The following NR3C2 variants were observed in gnomAD, a reference collection of about 807,000 sequenced individuals.
The protein encoded by NR3C2 is mineralocorticoid receptor.
In NR3C2, 15 loss-of-function variants were observed where a neutral mutation model predicts 86.4. The ratio of observed to expected loss-of-function variants is 0.17; its 90% CI spans 0.12 to 0.27. The LOEUF is 0.27. Among genes scored for constraint, NR3C2 ranks in the 10% least tolerant of loss-of-function variants. NR3C2 has a pLI of 1.00. For missense variants in NR3C2, 960 were observed against 1,195.6 expected, an observed-to-expected ratio of 0.80 and a Z score of 2.91; for synonymous variants, 458 against 450.5, an observed-to-expected ratio of 1.02 and a Z score of -0.21.
At chr4:148,378,362 C>T (rs1196137306) in intron 2 of NR3C2, among the ~76,000 whole-genome samples, 2 of 151,490 alleles carry the variant, frequency 1.3e-5, no homozygotes, top group Non-Finnish European at 2.9e-5. Flanking sequence ...AAGATATACA[C>T]CCCACACCCA....
At chr4:148,360,555 C>T (rs984322157) in intron 2 of NR3C2, among the ~76,000 whole-genome samples, 2 of 152,098 alleles carry the variant, frequency 1.3e-5, no homozygotes, top group South Asian at 2.1e-4. Flanking sequence ...AGTAACAAAC[C>T]CATTTTTCCC....
At chr4:148,421,482 CTGAAA>C (rs1232399482) in intron 2 of NR3C2, among the ~76,000 whole-genome samples, 1 of 152,162 alleles carries the variant, frequency 6.6e-6, no homozygotes, top group African/African-American at 2.4e-5. Flanking sequence ...AGACGAGTAA[CTGAAA>C]TATCAAAAGT....
At chr4:148,091,460 G>A (rs573757066) in intron 8 of NR3C2, among the ~76,000 whole-genome samples, 3 of 152,378 alleles carry the variant, frequency 2.0e-5, no homozygotes, top group Non-Finnish European at 2.9e-5. Flanking sequence ...ATCCAGGCGC[G>A]TGAAGTTAGC....
chr4:148,113,786 G>T (rs1363043466), intron 8 of NR3C2, among the ~76,000 whole-genome samples: 1 of 152,182 alleles, frequency 6.6e-6, no homozygotes, highest in Admixed American at 6.5e-5. Context: ...TCGTCCAGGG[G>T]ATCGAGGCCC....
intron 4 of NR3C2, among the ~76,000 whole-genome samples, chr4:148,172,577 T>A (rs997668367): frequency 6.6e-6 from 1 of 152,222 alleles, no homozygotes; most frequent in South Asian, 2.1e-4. Context: ...TAATGAAATC[T>A]TTTGTGTCTT....
chr4:148,195,897 A>T (rs1047063634), intron 3 of NR3C2, among the ~76,000 whole-genome samples: 4 of 152,234 alleles, frequency 2.6e-5, no homozygotes, highest in African/African-American at 9.6e-5. Flanking sequence ...TAGAGGTGAT[A>T]TTCAAGACTT....
At chr4:148,323,934 C>T (rs994960539) in intron 2 of NR3C2, among the ~76,000 whole-genome samples, 1 of 152,152 alleles carries the variant, frequency 6.6e-6, no homozygotes. Flanking sequence ...GTCTTCAATC[C>T]CAAGCTTTTC....
chr4:148,434,147 T>C (rs1410331522), intron 2 of NR3C2, among the ~76,000 whole-genome samples: 1 of 152,162 alleles, frequency 6.6e-6, no homozygotes, highest in African/African-American at 2.4e-5. Flanking sequence ...ATCCACATAG[T>C]TCTGGATGCC....
intron 2 of NR3C2, among the ~76,000 whole-genome samples, chr4:148,379,489 G>A (rs1355361894): frequency 2.0e-5 from 3 of 152,190 alleles, no homozygotes; most frequent in African/African-American, 7.2e-5. Context: ...TATCTGAAGA[G>A]AGAATCAAGG....
intron 3 of NR3C2, among the ~76,000 whole-genome samples, chr4:148,202,274 C>A (rs1434472953): frequency 6.6e-6 from 1 of 152,202 alleles, no homozygotes; most frequent in Admixed American, 6.5e-5. Flanking sequence ...CACCCTTGAT[C>A]TTTTTTCCAG....
chr4:148,295,102 A>C (rs1741983664), intron 2 of NR3C2, among the ~76,000 whole-genome samples: 1 of 152,196 alleles, frequency 6.6e-6, no homozygotes, highest in Admixed American at 6.5e-5. Context: ...ATTTAGATAT[A>C]TCTACCAAAA....
intron 6 of NR3C2, among the ~76,000 whole-genome samples, chr4:148,147,445 G>T (rs1236927196): frequency 6.6e-6 from 1 of 152,188 alleles, no homozygotes; most frequent in Non-Finnish European, 1.5e-5. Flanking sequence ...TTAATAGATT[G>T]TTTGGTTCAT....
At chr4:148,360,964 A>G (rs1446406873) in intron 2 of NR3C2, among the ~76,000 whole-genome samples, 1 of 152,188 alleles carries the variant, frequency 6.6e-6, no homozygotes. Flanking sequence ...CTGCCTCCTC[A>G]GGATGCCACC....
At chr4:148,165,645 G>A (rs905349323) in intron 4 of NR3C2, among the ~76,000 whole-genome samples, 1 of 152,040 alleles carries the variant, frequency 6.6e-6, no homozygotes, top group Non-Finnish European at 1.5e-5. Flanking sequence ...TTTTACTCAA[G>A]AATACTAATG....
intron 8 of NR3C2, 132 bp from the exon 9 acceptor site, chr4:148,081,631 T>C: frequency 8.3e-7 from 1 of 1,203,488 alleles, no homozygotes; most frequent in South Asian, 1.4e-5. Flanking sequence ...TCTTCATTAA[T>C]TGAGCAGAGT....
chr4:148,176,458 G>A (rs1306977927), intron 4 of NR3C2, among the ~76,000 whole-genome samples: 2 of 152,152 alleles, frequency 1.3e-5, no homozygotes, highest in African/African-American at 4.8e-5. Flanking sequence ...GGGAGCATCT[G>A]GGATGAACCC....
At position 148,317,988 on chromosome 4, in the gene NR3C2, T is replaced by C. The variant is rs28542380; in HGVS notation, c.1758-57871A>G. ...GCGCTGCACCCACTAACTCGTCATCTAGCATTAGGTATATCTCCCAATGCT... is the reference window on the plus strand; with the variant it reads ...GCGCTGCACCCACTAACTCGTCATCCAGCATTAGGTATATCTCCCAATGCT... On this transcript the variant is annotated intron_variant, in intron 2 of 8. Transcript: ENST00000358102. 6.2e-3 allele frequency among the ~76,000 whole-genome samples: 925 copies of C among 150,336 alleles called. 8 individuals carry two copies. Among genetic ancestry groups the C allele is most frequent in the African/African-American group, 0.022 (898 of 40,940 alleles).
chr4:148,268,158 C>T (rs1740495300), intron 2 of NR3C2, among the ~76,000 whole-genome samples: 1 of 152,080 alleles, frequency 6.6e-6, no homozygotes, highest in African/African-American at 2.4e-5. Flanking sequence ...CCAGGCTGGT[C>T]TTGAACTCCT....
In NR3C2 at chr4:148,081,058, A is replaced by C. The variant is rs943367153; in HGVS notation, c.*286T>G. ...CTTCTTCCATCTGTGAAAATATCAA[A>C]ATCAGAGTTATTGACTAGATATGGC... On this transcript the variant is annotated 3_prime_UTR_variant, in exon 9 of 9. Coordinates refer to ENST00000358102, the MANE Select transcript of NR3C2 (RefSeq NM_000901.5). 2.2e-6 allele frequency: 1 copy of C among 448,078 alleles called. No homozygotes were observed. The highest frequency in any genetic ancestry group is 3.4e-5 in the Admixed American group (1 of 29,204). 27.8% of individuals were successfully genotyped at this position (448,078 alleles called of 1,614,324 possible).
Sources: gnomAD v4.1 joint callset for allele counts (sites outside exome capture counted in the v4.1 genomes callset) on GRCh38, gnomAD v4.1.1 for gene constraint, MANE v1.5 for transcripts, NCBI Gene and HGNC (gene_info 2026-07-23, HGNC 2026-07-21) for gene names.